STARD13: variants seen among roughly 807,000 people sequenced by gnomAD.
The protein encoded by STARD13 is StAR related lipid transfer domain containing 13.
STARD13 carries 62 observed loss-of-function variants against 106.4 expected under a neutral mutation model. The ratio of observed to expected loss-of-function variants is 0.58; its 90% CI spans 0.48 to 0.72. The LOEUF is 0.72. STARD13 is among the 30% of genes least tolerant of loss of function. STARD13 has a pLI of 0.00. For missense variants in STARD13, 1,387 were observed against 1,424.0 expected, an observed-to-expected ratio of 0.97 and a Z score of 0.42; for synonymous variants, 565 against 553.0, an observed-to-expected ratio of 1.02 and a Z score of -0.31.
At chr13:33,620,786 T>C in the STARD13 span, among the ~76,000 whole-genome samples, 1 of 150,482 alleles carries the variant, frequency 6.6e-6, no homozygotes, top group Non-Finnish European at 1.5e-5. Flanking sequence ...TAACAGAATA[T>C]ACAAATATTT....
chr13:33,597,850 G>A, the STARD13 span, among the ~76,000 whole-genome samples: 12 of 148,812 alleles, frequency 8.1e-5, no homozygotes, highest in South Asian at 6.3e-4. Context: ...GTGAAACTCC[G>A]TCTCAAAAAA....
chr13:33,184,768 T>C (rs1385086593), intron 1 of STARD13, among the ~76,000 whole-genome samples: 2 of 152,254 alleles, frequency 1.3e-5, no homozygotes, highest in African/African-American at 4.8e-5. Context: ...AAATGAATTA[T>C]GTAATTTGAC....
chr13:33,453,165 T>C, the STARD13 span, among the ~76,000 whole-genome samples: 1 of 152,256 alleles, frequency 6.6e-6, no homozygotes, highest in East Asian at 1.9e-4. Context: ...TATACAAGAT[T>C]GTAGTGACAC....
At chr13:33,349,236 A>C (rs1161400166) in intron 1 of STARD13, 1 of 702,338 alleles carries the variant, frequency 1.4e-6, no homozygotes, top group South Asian at 1.5e-5. Flanking sequence ...ACACAGAGGC[A>C]ACAAGGTCCA....
chr13:33,450,222 G>A, the STARD13 span, among the ~76,000 whole-genome samples: 47 of 152,248 alleles, frequency 3.1e-4, no homozygotes, highest in East Asian at 6.4e-3. Flanking sequence ...CCGTGAGTTT[G>A]TTATGTATGG....
the STARD13 span, among the ~76,000 whole-genome samples, chr13:33,431,746 T>C: frequency 0.49 from 75,031 of 152,012 alleles, 19,537 homozygotes; most frequent in African/African-American, 0.67. Flanking sequence ...TTGCTTACCT[T>C]ACAGGGTGGT....
the STARD13 span, among the ~76,000 whole-genome samples, chr13:33,515,911 G>A: frequency 4.6e-5 from 7 of 151,918 alleles, no homozygotes; most frequent in African/African-American, 1.7e-4. Flanking sequence ...GCCCACCTGG[G>A]GAGCAAGTTT....
chr13:33,305,989 A>G (rs1390926858), intron 1 of STARD13, among the ~76,000 whole-genome samples: 1 of 152,258 alleles, frequency 6.6e-6, no homozygotes, highest in Non-Finnish European at 1.5e-5. Flanking sequence ...TAAAATTTGT[A>G]TGGAGCCAAA....
intron 1 of STARD13, among the ~76,000 whole-genome samples, chr13:33,298,586 C>A (rs1415932989): frequency 1.3e-5 from 2 of 151,536 alleles, no homozygotes. Context: ...CTTTCCATAT[C>A]TTAAAAAAAA....
the STARD13 span, among the ~76,000 whole-genome samples, chr13:33,542,063 C>T: frequency 1.4e-5 from 2 of 146,864 alleles, no homozygotes; most frequent in Non-Finnish European, 3.0e-5. Flanking sequence ...AAACTAAACT[C>T]CTTAAGAGAA....
chr13:33,182,871 C>G lies in STARD13; in HGVS notation c.170-15249G>C, dbSNP rs913216933. On this transcript the variant is annotated intron_variant, in intron 1 of 13. Coordinates refer to ENST00000336934, the MANE Select transcript of STARD13 (RefSeq NM_178006.4). ...CCCTGTCACCTGCAGAATAAAGTAC[C>G]AGCCCATCACCACGGCCCACAGTGC... 3.3e-5 allele frequency among the ~76,000 whole-genome samples: 5 copies of G among 152,194 alleles called. No individual in the cohort carries two copies. In the South Asian group the frequency reaches 1.0e-3, roughly 31 times the overall value.
At chr13:33,353,542 T>C (rs1441885533), upstream of STARD13, among the ~76,000 whole-genome samples, 3 of 152,108 alleles carry the variant, frequency 2.0e-5, no homozygotes. Context: ...TGGTTAAGAG[T>C]GTGGCTAAAG....
At chr13:33,524,202 C>G in the STARD13 span, 1 of 1,231,002 alleles carries the variant, frequency 8.1e-7, no homozygotes, top group Non-Finnish European at 1.1e-6. Flanking sequence ...GCAGGACACT[C>G]ACACCAGGGG....
chr13:33,358,364 A>G, the STARD13 span, among the ~76,000 whole-genome samples: 2 of 152,090 alleles, frequency 1.3e-5, no homozygotes, highest in East Asian at 1.9e-4. Context: ...TGAGGAATGT[A>G]AGCGCACGGC....
intron 1 of STARD13, among the ~76,000 whole-genome samples, chr13:33,193,682 C>G (rs1886415310): frequency 6.6e-6 from 1 of 152,208 alleles, no homozygotes; most frequent in South Asian, 2.1e-4. Flanking sequence ...CCATGCTGCT[C>G]AGAGCTGACT....
At chr13:33,118,465 A>C (rs559336024) in intron 7 of STARD13, among the ~76,000 whole-genome samples, 150 of 152,344 alleles carry the variant, frequency 9.8e-4, no homozygotes, top group Non-Finnish European at 3.1e-4. Context: ...CCCACCTCAC[A>C]GGATTACTGT....
At chr13:33,106,962 G>T in intron 12 of STARD13, 28 bp from the exon 13 acceptor site, 1 of 1,591,330 alleles carries the variant, frequency 6.3e-7, no homozygotes, top group Non-Finnish European at 8.6e-7. Flanking sequence ...GCACATCAGA[G>T]TCATGACTGA....
intron 1 of STARD13, among the ~76,000 whole-genome samples, chr13:33,273,596 A>G (rs1438655587): frequency 6.6e-6 from 1 of 152,248 alleles, no homozygotes; most frequent in Non-Finnish European, 1.5e-5. Context: ...ATTTGTAGGC[A>G]GTCTTTCATA....
the STARD13 span, among the ~76,000 whole-genome samples, chr13:33,457,270 A>T: frequency 6.6e-6 from 1 of 152,140 alleles, no homozygotes. Context: ...ATAAACAACC[A>T]CTTTATTTGT....
Sources: gnomAD v4.1 joint callset for allele counts (sites outside exome capture counted in the v4.1 genomes callset) on GRCh38, gnomAD v4.1.1 for gene constraint, MANE v1.5 for transcripts, NCBI Gene and HGNC (gene_info 2026-07-23, HGNC 2026-07-21) for gene names.